Variants in ZNF326 observed in about 807,000 individuals in gnomAD.
The protein encoded by ZNF326 is DBIRD complex subunit ZNF326.
In ZNF326, 30 loss-of-function variants were observed where a neutral mutation model predicts 63.1. The ratio of observed to expected loss-of-function variants is 0.48; its 90% CI spans 0.36 to 0.64. The LOEUF (loss-of-function observed/expected upper bound fraction) is 0.64. Ranked by LOEUF, ZNF326 falls within the 30% of genes least tolerant of loss-of-function variation. ZNF326 has a pLI of 0.00. For synonymous variants in ZNF326, 194 were observed against 228.2 expected (o/e 0.85, Z 1.35); for missense variants, 609 against 720.3 (o/e 0.85, Z 1.77).
At position 89,996,663 on chromosome 1, in the gene ZNF326, C is replaced by G. The variant is rs2703988; in HGVS notation, c.16+1390C>G. ...CGGAGGCAGAAGAATCCCTTGAACC[C>G]GGGAGGCGAAGGTTGCAGTGAGCCG... On this transcript the variant is annotated intron_variant, in intron 1 of 11. Transcript: ENST00000340281. 8.6e-3 allele frequency among the ~76,000 whole-genome samples: 1,306 copies of G among 151,418 alleles called. 14 individuals carry two copies. Among genetic ancestry groups the G allele is most frequent in the African/African-American group, 0.03 (1,244 of 41,258 alleles).
In ZNF326 at chr1:89,995,182, T is replaced by TC; in HGVS notation, c.-75dup. On this transcript the variant is annotated 5_prime_UTR_variant, in exon 1 of 12. Transcript: ENST00000340281. The stretch of plus-strand genomic sequence containing the variant: ...GGTCGCGCGGAGTGATCGTGTGGAA[T>TC]CGCGGGTCGCGGACGCTCGCCGCCG... 1 of 1,496,748 alleles carries TC rather than the reference T, an allele frequency of 6.7e-7. No individual in the cohort carries two copies. The highest frequency in any genetic ancestry group is 8.9e-7 in the Non-Finnish European group (1 of 1,118,836). 92.7% of individuals were successfully genotyped at this position (1,496,748 alleles called of 1,614,324 possible). A position where few individuals can be genotyped will look rare whatever the true frequency, so the allele number is the denominator to read the frequency against.
chr1:89,995,507 G>A (rs1352481156), intron 1 of ZNF326, among the ~76,000 whole-genome samples: 1 of 152,274 alleles, frequency 6.6e-6, no homozygotes, highest in Non-Finnish European at 1.5e-5. Context: ...TGTCCGGTAG[G>A]ACGCGCCTAG....
At position 90,022,390 on chromosome 1, in the gene ZNF326, G is replaced by A. The variant is rs776279007; in HGVS notation, c.1401+45G>A. ...ACCTTTTCAATAATATTGTAGTATT[G>A]CAATAATTAACTGGTGACATAGTAA... On this transcript the variant is annotated intron_variant, in intron 11 of 11. Transcript: ENST00000340281. 5.9e-6 allele frequency: 8 copies of A among 1,360,342 alleles called. 1 individual carries two copies. Among genetic ancestry groups the A allele is most frequent in the South Asian group, 4.8e-5 (4 of 82,936 alleles). 84.3% of individuals were successfully genotyped at this position (1,360,342 alleles called of 1,614,324 possible).
chr1:90,015,334 G>A (rs1649452410), intron 7 of ZNF326, among the ~76,000 whole-genome samples: 1 of 152,158 alleles, frequency 6.6e-6, no homozygotes, highest in Admixed American at 6.5e-5. Flanking sequence ...AATAGTGTAT[G>A]GTGAAGGATA....
At chr1:90,003,798 G>A (rs1553135470) in intron 2 of ZNF326, among the ~76,000 whole-genome samples, 1 of 152,116 alleles carries the variant, frequency 6.6e-6, no homozygotes, top group Non-Finnish European at 1.5e-5. Context: ...AAAATGAGAG[G>A]ATTGATTTTG....
intron 7 of ZNF326, among the ~76,000 whole-genome samples, chr1:90,013,829 C>T (rs1029504368): frequency 2.0e-5 from 3 of 151,520 alleles, no homozygotes; most frequent in South Asian, 2.1e-4. Flanking sequence ...TTTGGGAGGC[C>T]GAGGCGGGCA....
intron 10 of ZNF326, among the ~76,000 whole-genome samples, chr1:90,021,429 C>T (rs1281886101): frequency 2.0e-5 from 3 of 151,934 alleles, no homozygotes; most frequent in African/African-American, 7.2e-5. Context: ...ATACATTTTT[C>T]TGATGGTTGG....
In ZNF326 at chr1:90,007,379, T is replaced by C; in HGVS notation, c.244T>C (p.Ser82Pro). The C allele has an allele frequency of 6.2e-7, 1 of 1,613,482 alleles. No individual in the cohort carries two copies. Among genetic ancestry groups the C allele is most frequent in the Non-Finnish European group, 8.5e-7 (1 of 1,179,666 alleles). Residue 82 changes from serine (S) to proline (P), a missense_variant, in exon 5 of 12, where the codon TCT becomes CCT. Physicochemically the swap from Ser to Pro is moderately conservative, Grantham distance 74. Transcript: ENST00000340281. This position sits in a 1 kb window ranked among gnomAD's most constrained non-coding sequence, Gnocchi z 4.9. ...TTATGAGTCTTACGACTCCAGGTCT[T>C]CTCTGGGTGGGCGAGATCTGTACAG... ...GPYESYDSRS[S>P]LGGRDLYRSG...
At chr1:90,020,977 T>C in intron 10 of ZNF326, 55 bp downstream of exon 10, 2 of 1,586,330 alleles carry the variant, frequency 1.3e-6, no homozygotes, top group Non-Finnish European at 1.7e-6. Context: ...AATCTTTTAT[T>C]GTTCTTTGGC....
chr1:90,010,778 G>A (rs765585959), intron 6 of ZNF326, among the ~76,000 whole-genome samples: 1 of 151,912 alleles, frequency 6.6e-6, no homozygotes, highest in Non-Finnish European at 1.5e-5. Flanking sequence ...AACTGAAATT[G>A]CAATGTTAGA....
In ZNF326 at chr1:90,010,107, G is replaced by A. The variant is rs146881632; in HGVS notation, c.635G>A (p.Ser212Asn). The A allele has an allele frequency of 9.3e-6, 15 of 1,613,590 alleles. No homozygotes were observed. The African/African-American group carries it at 2.0e-4, about 22-fold the overall frequency. Reference protein sequence around the residue: ...RGRGHMGDFGSIHRPGIVVDY... With the variant: ...RGRGHMGDFGNIHRPGIVVDY... The stretch of plus-strand genomic sequence containing the variant: ...TTACAGCATATGGGTGATTTTGGAA[G>A]CATTCATAGACCCGGAATTGTTGTT... Residue 212 changes from serine (S) to asparagine (N), a missense_variant, in exon 6 of 12, where the codon AGC (serine) becomes AAC (asparagine). This residue lies in a region of ZNF326 where 399 missense variants were observed against 444.3 expected (regional missense o/e 0.90). Coordinates refer to ENST00000340281, the MANE Select transcript of ZNF326 (RefSeq NM_182976.4).
intron 11 of ZNF326, among the ~76,000 whole-genome samples, chr1:90,023,288 G>A (rs76894966): frequency 0.031 from 4,688 of 152,274 alleles, 100 homozygotes; most frequent in Middle Eastern, 0.082. Flanking sequence ...GAAGAGAGCT[G>A]TTGTGTTGAG....
At chr1:90,003,104 T>G (rs1484801397) in intron 2 of ZNF326, among the ~76,000 whole-genome samples, 1 of 152,056 alleles carries the variant, frequency 6.6e-6, no homozygotes, top group Non-Finnish European at 1.5e-5. Flanking sequence ...GTCGTTTTCG[T>G]TAAAACAATG....
chr1:90,034,866 A>AAT lies in ZNF326; in HGVS notation c.*7165_*7166insAT, dbSNP rs1650421536. On this transcript the variant is annotated 3_prime_UTR_variant, in exon 12 of 12. Transcript: ENST00000340281. Reference sequence around the variant, plus strand: ...CAAATGTAATTTGTTGAAACTGGTCATGTTGAAAAAACATGACCAATTAAA... The same window carrying AAT: ...CAAATGTAATTTGTTGAAACTGGTCAATTGTTGAAAAAACATGACCAATTAAA... The AAT allele has an allele frequency of 1.3e-5, 2 of 152,184 alleles. No homozygotes were observed. The highest frequency in any genetic ancestry group is 4.8e-5 in the African/African-American group (2 of 41,460). The allele number at this position is 152,184 out of a possible 1,614,324, so 9.4% of individuals were successfully genotyped here.
chr1:90,011,676 A>G (rs1313169804), intron 6 of ZNF326, among the ~76,000 whole-genome samples: 1 of 152,114 alleles, frequency 6.6e-6, no homozygotes, highest in Admixed American at 6.5e-5. Flanking sequence ...ACCCTCACAC[A>G]TTACTGATGG....
At chr1:90,013,348 G>T (rs1649345082) in intron 7 of ZNF326, 111 bp downstream of exon 7, 5 of 811,992 alleles carry the variant, frequency 6.2e-6, no homozygotes, top group South Asian at 6.1e-5. Context: ...GAAAAGACTT[G>T]TTCAAAGATA....
At chr1:89,996,066 T>C (rs1444618754) in intron 1 of ZNF326, among the ~76,000 whole-genome samples, 1 of 152,254 alleles carries the variant, frequency 6.6e-6, no homozygotes, top group Non-Finnish European at 1.5e-5. Context: ...ATTTTAGCAA[T>C]ACTTTTCAGT....
chr1:90,024,628 A>T (rs1233584319), intron 11 of ZNF326, among the ~76,000 whole-genome samples: 1 of 151,790 alleles, frequency 6.6e-6, no homozygotes, highest in African/African-American at 2.4e-5. Flanking sequence ...ATATATATAT[A>T]TTTTAAGACA....
intron 4 of ZNF326, chr1:90,006,069 A>G (rs187299856): frequency 3.0e-6 from 3 of 985,426 alleles, no homozygotes; most frequent in East Asian, 2.3e-4. Flanking sequence ...TTCTGCATAA[A>G]TTGAAGGATC....
Sources: gnomAD v4.1 joint callset for allele counts (sites outside exome capture counted in the v4.1 genomes callset) on GRCh38, gnomAD v4.1.1 for gene constraint, gnomAD v4.1.1 regional missense constraint, Gnocchi (gnomAD v3.1) non-coding constraint, MANE v1.5 for transcripts, NCBI Gene and HGNC (gene_info 2026-07-23, HGNC 2026-07-21) for gene names.